Variants in PCDHGA5 observed in about 807,000 individuals in gnomAD.
PCDHGA5 encodes the protein protocadherin gamma-A5.
PCDHGA5 carries 36 observed loss-of-function variants against 56.7 expected under a neutral mutation model. The ratio of observed to expected loss-of-function variants is 0.64; its 90% CI spans 0.49 to 0.84. The LOEUF (loss-of-function observed/expected upper bound fraction) is 0.84, where lower values mean the gene tolerates loss of function less well. PCDHGA5 is among the 40% of genes least tolerant of loss of function. PCDHGA5 has a pLI of 0.00. For missense variants in PCDHGA5, 1,305 were observed against 1,201.5 expected (o/e 1.09, Z -1.27); for synonymous variants, 563 against 520.2 (o/e 1.08, Z -1.12).
At chr5:141,371,865 A>C (rs1048560743) in intron 1 of PCDHGA5, 1 of 1,613,506 alleles carries the variant, frequency 6.2e-7, no homozygotes, top group Middle Eastern at 1.6e-4. Context: ...CTCCTACTAC[A>C]TCGTGGCCAG....
At chr5:141,450,832 T>TTA (rs764784095) in intron 1 of PCDHGA5, among the ~76,000 whole-genome samples, 6,304 of 142,274 alleles carry the variant, frequency 0.044, 222 homozygotes, top group African/African-American at 0.11. Context: ...TATTATTATT[T>TTA]TTTTTTTTTT....
chr5:141,478,364 G>A (rs1382073187), intron 1 of PCDHGA5: 2 of 1,613,660 alleles, frequency 1.2e-6, no homozygotes, highest in African/African-American at 2.7e-5. Flanking sequence ...CGTGCGGGGA[G>A]GCCTGATGTC....
chr5:141,366,051 G>A lies in PCDHGA5; in HGVS notation c.1721G>A (p.Gly574Asp). The A allele has an allele frequency of 6.2e-7, 1 of 1,614,244 alleles. No homozygotes were observed. The highest frequency in any genetic ancestry group is 8.5e-7 in the Non-Finnish European group (1 of 1,180,046). ...YPALPTDGST[G>D]VELAPRSAEP... is the part of the protein sequence containing the mutation. ...GCCCTCCCCACAGACGGTTCCACGG[G>A]CGTGGAGCTGGCGCCTCGCTCCGCA... The change falls in exon 1 of 4, where the codon GGC becomes GAC. Residue 574 changes from glycine (G) to aspartate (D), a missense_variant. Physicochemically the swap from Gly to Asp is moderately conservative, Grantham distance 94 (BLOSUM62 -1). Coordinates refer to ENST00000518069, the MANE Select transcript of PCDHGA5 (RefSeq NM_018918.3).
chr5:141,375,819 C>T, intron 1 of PCDHGA5: 2 of 1,614,190 alleles, frequency 1.2e-6, no homozygotes, highest in Admixed American at 1.7e-5. Context: ...GAGCTGGCGC[C>T]CCGCTCCGCA....
intron 1 of PCDHGA5, chr5:141,376,920 C>T (rs527270477): frequency 5.8e-6 from 1 of 173,470 alleles, no homozygotes; most frequent in Admixed American, 5.6e-5. Flanking sequence ...ATCTCCTGAC[C>T]TCATGATCCA....
In PCDHGA5 at chr5:141,364,528, C is replaced by T. The variant is rs1445482375; in HGVS notation, c.198C>T (p.Ile66=). The part of the protein sequence containing the change: ...PQELAERGVR[I]VSRGRTQLFA... Reference sequence around the variant, plus strand: ...AGCTGGCGGAGCGCGGAGTCCGCATCGTCTCCAGAGGTAGGACGCAGCTTT... The same window carrying T: ...AGCTGGCGGAGCGCGGAGTCCGCATTGTCTCCAGAGGTAGGACGCAGCTTT... The change falls in exon 1 of 4, where the codon ATC becomes ATT. Residue 66 remains isoleucine, a synonymous_variant. Transcript: ENST00000518069. The T allele has an allele frequency of 3.1e-6, 5 of 1,614,048 alleles. No individual in the cohort carries two copies. Among genetic ancestry groups the T allele is most frequent in the Non-Finnish European group, 2.5e-6 (3 of 1,179,916 alleles).
intron 1 of PCDHGA5, 136 bp downstream of exon 1, chr5:141,366,887 A>T (rs1444897635): frequency 9.5e-6 from 12 of 1,269,488 alleles, no homozygotes; most frequent in Non-Finnish European, 1.3e-5. Flanking sequence ...AATTTTTTTT[A>T]TATAATTCAT....
Position 141,404,574 on chromosome 5 carries a change from C to G in PCDHGA5, c.2421+37823C>G, listed in dbSNP as rs185791741. 3 of 1,613,908 alleles carry G rather than the reference C, an allele frequency of 1.9e-6. No individual in the cohort carries two copies. The East Asian group carries it at 6.7e-5, about 36-fold the overall frequency. The stretch of plus-strand genomic sequence containing the variant: ...ACGGCAAGTGACAGTGGAAGCCCAC[C>G]ACTTAGCAGCAATGTGTCATTGAGA... On this transcript the variant is annotated intron_variant, in intron 1 of 3. Coordinates refer to ENST00000518069, the MANE Select transcript of PCDHGA5 (RefSeq NM_018918.3).
chr5:141,504,224 C>T (rs2099836716), intron 2 of PCDHGA5, among the ~76,000 whole-genome samples: 2 of 152,160 alleles, frequency 1.3e-5, no homozygotes, highest in African/African-American at 4.8e-5. Flanking sequence ...TAGAGCTGAA[C>T]CTTCTAAGAA....
chr5:141,478,204 T>C (rs775367944), intron 1 of PCDHGA5: 7 of 1,613,950 alleles, frequency 4.3e-6, no homozygotes, highest in Middle Eastern at 1.6e-4. Context: ...ATCTACTTCT[T>C]TCTCTAATCC....
chr5:141,511,485 C>T lies in PCDHGA5; in HGVS notation c.*312C>T, dbSNP rs1324849800. 1.8e-5 allele frequency: 8 copies of T among 453,300 alleles called. No individual in the cohort carries two copies. The highest frequency in any genetic ancestry group is 1.2e-4 in the African/African-American group (6 of 50,332). The allele number at this position is 453,300 out of a possible 1,614,324, so 28.1% of individuals were successfully genotyped here. A position where few individuals can be genotyped will look rare whatever the true frequency, so the allele number is the denominator to read the frequency against. On this transcript the variant is annotated 3_prime_UTR_variant, in exon 4 of 4. Coordinates refer to ENST00000518069, the MANE Select transcript of PCDHGA5 (RefSeq NM_018918.3). Reference sequence around the variant, plus strand: ...ACCCCGTTTAGTTACAGCTGAACTCCTCCATCTTCCAAATCAATCAGGCCC... The same window carrying T: ...ACCCCGTTTAGTTACAGCTGAACTCTTCCATCTTCCAAATCAATCAGGCCC...
Position 141,365,931 on chromosome 5 carries a change from C to T in PCDHGA5, c.1601C>T (p.Ala534Val), listed in dbSNP as rs1221190365. The T allele has an allele frequency of 6.2e-7, 1 of 1,614,112 alleles. No individual in the cohort carries two copies. Among genetic ancestry groups the T allele is most frequent in the African/African-American group, 1.3e-5 (1 of 74,948 alleles). ...QLRDLQLWVT[A>V]SDSGNPPLSS... is the part of the protein sequence containing the mutation. ...AGAGACCTACAGTTGTGGGTGACAGCCAGCGACAGTGGGAACCCTCCACTT... is the reference window on the plus strand; with the variant it reads ...AGAGACCTACAGTTGTGGGTGACAGTCAGCGACAGTGGGAACCCTCCACTT... The change falls in exon 1 of 4, where the codon GCC becomes GTC. Residue 534 changes from alanine (A) to valine (V), a missense_variant. Coordinates refer to ENST00000518069, the MANE Select transcript of PCDHGA5 (RefSeq NM_018918.3).
At chr5:141,450,014 T>A (rs867473620) in intron 1 of PCDHGA5, among the ~76,000 whole-genome samples, 7,114 of 149,588 alleles carry the variant, frequency 0.048, 422 homozygotes, top group African/African-American at 0.13. Context: ...CTCTTTTTTT[T>A]TTTTTTTTTT....
Position 141,438,643 on chromosome 5 carries a change from C to CATAT in PCDHGA5, c.2422-56163_2422-56162insTATA, listed in dbSNP as rs1213792286. ...ATATATATATATATATATACACACACACACACACATATATGTATATATATA... is the reference window on the plus strand; with the variant it reads ...ATATATATATATATATATACACACACATATACACACACATATATGTATATATATA... On this transcript the variant is annotated intron_variant, in intron 1 of 3. Transcript: ENST00000518069. Among the ~76,000 whole-genome samples, 345 of 117,382 alleles carry CATAT rather than the reference C, an allele frequency of 2.9e-3. 2 individuals are homozygous for CATAT. Among genetic ancestry groups the CATAT allele is most frequent in the Admixed American group, 6.8e-3 (78 of 11,434 alleles). 77.0% of individuals were successfully genotyped at this position (117,382 alleles called of 152,430 possible). A position where few individuals can be genotyped will look rare whatever the true frequency, so the allele number is the denominator to read the frequency against.
rs200312693 is a variant in PCDHGA5 at position 141,364,360 on chromosome 5, C to T, written c.30C>T (p.Cys10=). 1.5e-3 allele frequency: 2,261 copies of T among 1,558,460 alleles called. 3 individuals carry two copies. The highest frequency in any genetic ancestry group is 1.8e-3 in the Non-Finnish European group (2,074 of 1,154,776). The change falls in exon 1 of 4, where the codon TGC becomes TGT. Residue 10 remains cysteine (C), a synonymous_variant. Transcript: ENST00000518069. ...CGAGTCCACCTAGGGGCTGGGGCTG[C>T]GGAGAGCTGCTGCTGCCCTTCATGC... The part of the protein sequence containing the change: MASPPRGWG[C]GELLLPFMLL...
At position 141,432,999 on chromosome 5, in the gene PCDHGA5, A is replaced by G. The variant is rs745921704; in HGVS notation, c.2422-61808A>G. The G allele has an allele frequency of 1.1e-5, 17 of 1,614,046 alleles. No individual in the cohort carries two copies. Among genetic ancestry groups the G allele is most frequent in the East Asian group, 4.5e-5 (2 of 44,862 alleles). On this transcript the variant is annotated intron_variant, in intron 1 of 3. Coordinates refer to ENST00000518069, the MANE Select transcript of PCDHGA5 (RefSeq NM_018918.3). This position sits in a 1 kb window ranked among gnomAD's most constrained non-coding sequence, Gnocchi z 6.0. ...CACTTTGTGGGCGTGGACGGGGTGC[A>G]GGCTTTCCTGCAGACCTATTCCCAC...
intron 1 of PCDHGA5, chr5:141,403,092 A>G (rs764199669): frequency 6.2e-7 from 1 of 1,614,086 alleles, no homozygotes; most frequent in East Asian, 2.2e-5. Flanking sequence ...ATTGTGGGCA[A>G]CATCTCCAAG....
At chr5:141,394,493 C>G in intron 1 of PCDHGA5, 1 of 1,614,222 alleles carries the variant, frequency 6.2e-7, no homozygotes, top group Non-Finnish European at 8.5e-7. Flanking sequence ...ACAACGCGCC[C>G]GAGATCCTGT....
At chr5:141,400,087 G>A (rs751908680) in intron 1 of PCDHGA5, 3 of 1,614,042 alleles carry the variant, frequency 1.9e-6, no homozygotes, top group Non-Finnish European at 2.5e-6. Flanking sequence ...CTCCGCCACC[G>A]CCACGCTGCA....
Sources: allele counts gnomAD v4.1 joint callset (sites outside exome capture counted in the v4.1 genomes callset), GRCh38; gene constraint gnomAD v4.1.1; non-coding constraint Gnocchi (gnomAD v3.1); transcripts MANE v1.5; gene names NCBI Gene and HGNC (gene_info 2026-07-23, HGNC 2026-07-21).